Variants in DENND2A observed in about 807,000 individuals in gnomAD.
DENND2A encodes the protein DENN domain-containing protein 2A.
DENND2A carries 53 observed loss-of-function variants against 105.3 expected under a neutral mutation model. The ratio of observed to expected loss-of-function variants is 0.50; its 90% CI spans 0.40 to 0.63. The LOEUF is 0.63. DENND2A is among the 30% of genes least tolerant of loss of function. The pLI, the probability that DENND2A is intolerant of heterozygous loss-of-function variation, is 0.00. For synonymous variants in DENND2A, 522 were observed against 508.4 expected (o/e 1.03, Z -0.36); for missense variants, 1,138 against 1,279.6 (o/e 0.89, Z 1.69).
In DENND2A at chr7:140,583,387, A is replaced by G. The variant is rs979601964; in HGVS notation, c.1245+2202T>C. 2.0e-5 allele frequency among the ~76,000 whole-genome samples: 3 copies of G among 150,088 alleles called. 1 individual carries two copies. Among genetic ancestry groups the G allele is most frequent in the African/African-American group, 7.6e-5 (3 of 39,460 alleles). On this transcript the variant is annotated intron_variant, in intron 5 of 19. Coordinates refer to ENST00000496613, the MANE Select transcript of DENND2A (RefSeq NM_015689.5). Reference sequence around the variant, plus strand: ...TGAGTGTTACAGATAATCAGAGAGAAAGAAGTCCCAGGGATTGGGATGGCT... The same window carrying G: ...TGAGTGTTACAGATAATCAGAGAGAGAGAAGTCCCAGGGATTGGGATGGCT...
rs755894323 is a variant in DENND2A at position 140,602,123 on chromosome 7, ACCT to A, written c.272_274del (p.Gln91_Val92delinsLeu). ...CCTCATTCCATTCTTAGCCTCTGTG[ACCT>A]GAGTTCTCACCCCATCACTACTCCT... On this transcript the variant is annotated inframe_deletion, in exon 3 of 20. Transcript: ENST00000496613. 6.2e-7 allele frequency: 1 copy of A among 1,613,734 alleles called. No homozygotes were observed. The highest frequency in any genetic ancestry group is 8.5e-7 in the Non-Finnish European group (1 of 1,179,934).
chr7:140,623,240 G>A (rs923400328), intron 1 of DENND2A, among the ~76,000 whole-genome samples: 15 of 150,242 alleles, frequency 1.0e-4, no homozygotes, highest in South Asian at 2.1e-4. Context: ...GATTGAACCC[G>A]GGAGGCAGAG....
intron 12 of DENND2A, among the ~76,000 whole-genome samples, chr7:140,550,465 C>T (rs375541494): frequency 9.5e-4 from 144 of 152,268 alleles, no homozygotes; most frequent in African/African-American, 3.0e-3. Context: ...TCAAGCGATT[C>T]TCCTGCCTCA....
intron 5 of DENND2A, among the ~76,000 whole-genome samples, chr7:140,577,824 C>T (rs1798368588): frequency 6.6e-6 from 1 of 152,192 alleles, no homozygotes; most frequent in Non-Finnish European, 1.5e-5. Context: ...ATGAATGCAC[C>T]TGGCTGTGTT....
At position 140,546,796 on chromosome 7, in the gene DENND2A, C is replaced by T. The variant is rs1796928564; in HGVS notation, c.2178+3G>A. 6.2e-7 allele frequency: 1 copy of T among 1,613,900 alleles called. No individual in the cohort carries two copies. The highest frequency in any genetic ancestry group is 2.2e-5 in the East Asian group (1 of 44,886). On this transcript the variant is annotated splice_donor_region_variant and intron_variant, in intron 13 of 19. Transcript: ENST00000496613. ...GGGAGAAGGAAGGAGTCTGACAACT[C>T]ACCTCAGTTCCTGAACCTGGCAGGA...
chr7:140,631,253 T>C (rs147371689), intron 1 of DENND2A, among the ~76,000 whole-genome samples: 4 of 152,106 alleles, frequency 2.6e-5, no homozygotes, highest in Non-Finnish European at 5.9e-5. Context: ...GGAAGGAACA[T>C]GTGGATCTGC....
chr7:140,572,702 C>T (rs1388846125), intron 6 of DENND2A, among the ~76,000 whole-genome samples: 3 of 141,412 alleles, frequency 2.1e-5, no homozygotes, highest in Admixed American at 7.6e-5. Context: ...TGCAGTAAGC[C>T]GAGATCACAC....
intron 14 of DENND2A, among the ~76,000 whole-genome samples, chr7:140,536,934 G>A (rs1357959871): frequency 6.6e-6 from 1 of 152,180 alleles, no homozygotes; most frequent in Non-Finnish European, 1.5e-5. Context: ...AAGTGCTGGG[G>A]TTACAGGCGT....
At chr7:140,570,792 T>C (rs1798061114) in intron 6 of DENND2A, among the ~76,000 whole-genome samples, 1 of 152,254 alleles carries the variant, frequency 6.6e-6, no homozygotes, top group African/African-American at 2.4e-5. Flanking sequence ...GCCAGCCTAG[T>C]TGTCTGATGC....
In DENND2A at chr7:140,523,490, TG is replaced by T; in HGVS notation, c.2548-67del. ...GCTGCGTCTTGGCCATAGGACACAC[TG>T]GAGCCACTGCAGGGCAGGCCTGGCT... is the stretch of plus-strand genomic sequence containing the variant. On this transcript the variant is annotated intron_variant, in intron 16 of 19. Coordinates refer to ENST00000496613, the MANE Select transcript of DENND2A (RefSeq NM_015689.5). This position sits in a 1 kb window ranked among gnomAD's most constrained non-coding sequence, Gnocchi z 4.5. The T allele has an allele frequency of 7.2e-7, 1 of 1,382,136 alleles. No homozygotes were observed. The allele number at this position is 1,382,136 out of a possible 1,614,324, so 85.6% of individuals were successfully genotyped here.
intron 1 of DENND2A, among the ~76,000 whole-genome samples, chr7:140,620,607 T>C (rs981186314): frequency 6.6e-6 from 1 of 152,226 alleles, no homozygotes; most frequent in African/African-American, 2.4e-5. Context: ...TGCTGTTGTC[T>C]GTGGGTGTCT....
rs368450964 is a variant in DENND2A at position 140,543,383 on chromosome 7, C to T, written c.2327+1235G>A. On this transcript the variant is annotated intron_variant, in intron 14 of 19. Coordinates refer to ENST00000496613, the MANE Select transcript of DENND2A (RefSeq NM_015689.5). ...CTACTTCCCTCAAGCAGTCCTTCCA[C>T]GTCAGCCTCCTAAAGTGCGGTGATT... 8.3e-4 allele frequency among the ~76,000 whole-genome samples: 125 copies of T among 151,120 alleles called. 4 individuals carry two copies. In the South Asian group the frequency reaches 0.022, roughly 27 times the overall value.
intron 4 of DENND2A, among the ~76,000 whole-genome samples, chr7:140,587,285 G>A (rs1246170644): frequency 6.6e-6 from 1 of 152,166 alleles, no homozygotes; most frequent in Admixed American, 6.5e-5. Context: ...GCAGATGGGA[G>A]AACTCAGTTC....
At chr7:140,597,635 C>T (rs550781700) in intron 3 of DENND2A, among the ~76,000 whole-genome samples, 38 of 152,232 alleles carry the variant, frequency 2.5e-4, no homozygotes, top group African/African-American at 3.9e-4. Flanking sequence ...GACTGAAAAG[C>T]GCAGATGATA....
intron 14 of DENND2A, 134 bp downstream of exon 14, chr7:140,544,484 C>T (rs962114250): frequency 1.8e-5 from 21 of 1,197,324 alleles, no homozygotes; most frequent in African/African-American, 4.5e-5. Flanking sequence ...TGTGAGTCAC[C>T]GCGCCCAGCC....
chr7:140,551,989 C>T (rs1042259133), intron 12 of DENND2A, among the ~76,000 whole-genome samples: 1 of 152,242 alleles, frequency 6.6e-6, no homozygotes, highest in African/African-American at 2.4e-5. Flanking sequence ...ACTGGCTCCA[C>T]GTCCCCTGCC....
intron 1 of DENND2A, among the ~76,000 whole-genome samples, chr7:140,609,060 G>C (rs1472952176): frequency 6.6e-6 from 1 of 152,136 alleles, no homozygotes. Flanking sequence ...CACAACCCAA[G>C]GTTCCTTATT....
At chr7:140,638,593 T>C (rs1801047033) in intron 1 of DENND2A, among the ~76,000 whole-genome samples, 1 of 152,176 alleles carries the variant, frequency 6.6e-6, no homozygotes, top group South Asian at 2.1e-4. Context: ...AGATCCTTCC[T>C]TCCCTGTGCC....
intron 2 of DENND2A, among the ~76,000 whole-genome samples, chr7:140,605,250 A>T (rs919152509): frequency 2.0e-5 from 3 of 152,182 alleles, no homozygotes; most frequent in Middle Eastern, 6.8e-3. Flanking sequence ...AGAGCTAAGA[A>T]CCCCTCAGTG....
Sources: allele counts gnomAD v4.1 joint callset (sites outside exome capture counted in the v4.1 genomes callset), GRCh38; gene constraint gnomAD v4.1.1; non-coding constraint Gnocchi (gnomAD v3.1); transcripts MANE v1.5; gene names NCBI Gene and HGNC (gene_info 2026-07-23, HGNC 2026-07-21).